Variants in ASH2L observed in about 807,000 individuals in gnomAD.
ASH2L encodes the protein ASH2 like, histone lysine methyltransferase complex subunit, also known as set1/Ash2 histone methyltransferase complex subunit ASH2.
Under a neutral mutation model 81.1 loss-of-function variants are expected in ASH2L, and 30 were observed. The ratio of observed to expected loss-of-function variants is 0.37; its 90% CI spans 0.28 to 0.50. ASH2L has a LOEUF of 0.50. Ranked by LOEUF, ASH2L falls within the 20% of genes least tolerant of loss-of-function variation. The probability of loss-of-function intolerance (pLI) is 0.95; values close to 1 mark genes in which losing one functional copy is unlikely to be tolerated. For missense variants in ASH2L, 559 were observed against 792.1 expected (o/e 0.71, Z 3.53); for synonymous variants, 273 against 279.9 (o/e 0.98, Z 0.24).
In ASH2L at chr8:38,120,972, T is replaced by C; in HGVS notation, c.988T>C (p.Tyr330His). 1.2e-6 allele frequency: 2 copies of C among 1,613,760 alleles called. No homozygotes were observed. The highest frequency in any genetic ancestry group is 1.7e-6 in the Non-Finnish European group (2 of 1,179,920). Residue 330 changes from tyrosine to histidine, a missense_variant, in exon 10 of 16, where the codon TAC (tyrosine) becomes CAC (histidine). By Grantham distance (83) the Tyr-to-His change is moderately conservative. Around this residue, in one of 4 missense-constraint regions of ASH2L, gnomAD observed 318 missense variants for 527.0 expected, o/e 0.60. Coordinates refer to ENST00000343823, the MANE Select transcript of ASH2L (RefSeq NM_004674.5). ...TGCTCAGCGCCTTCCCCCTCATGGC[T>C]ACCCATTGGAACACCCGTTTAACAA... ...FSAQRLPPHG[Y>H]PLEHPFNKDG...
intron 12 of ASH2L, among the ~76,000 whole-genome samples, chr8:38,130,685 G>A (rs1802025642): frequency 1.3e-5 from 2 of 151,790 alleles, no homozygotes; most frequent in South Asian, 2.1e-4. Context: ...TGCAACCTCC[G>A]TCTCATGGGT....
At chr8:38,137,986 A>G (rs1802333428) in intron 14 of ASH2L, 1 of 152,192 alleles carries the variant, frequency 6.6e-6, no homozygotes, top group Non-Finnish European at 1.5e-5. Flanking sequence ...AAAGTTTTAA[A>G]AAGAAAAAGG....
chr8:38,128,406 G>A lies in ASH2L; in HGVS notation c.1281G>A (p.Val427=). 1.2e-6 allele frequency: 2 copies of A among 1,614,168 alleles called. No homozygotes were observed. Among genetic ancestry groups the A allele is most frequent in the Non-Finnish European group, 1.7e-6 (2 of 1,180,042 alleles). The stretch of plus-strand genomic sequence containing the variant: ...GTGCCTGGTATTTTGAAATCACTGT[G>A]GATGAGATGCCACCAGATACCGCTG... The part of the protein sequence containing the change: ...RKGAWYFEIT[V]DEMPPDTAAR... The change falls in exon 11 of 16, where the codon GTG becomes GTA. Residue 427 remains valine (V), a synonymous_variant. Transcript: ENST00000343823.
chr8:38,119,452 C>T (rs1310200793), intron 9 of ASH2L, 89 bp downstream of exon 9: 18 of 1,128,202 alleles, frequency 1.6e-5, no homozygotes, highest in Middle Eastern at 2.9e-4. Flanking sequence ...GTTCAAGGGT[C>T]GGAGGTTAAA....
Position 38,106,269 on chromosome 8 carries a change from A to G in ASH2L, c.189-109A>G. The G allele has an allele frequency of 5.8e-6, 8 of 1,382,474 alleles. No individual in the cohort carries two copies. The South Asian group carries it at 8.2e-5, about 14-fold the overall frequency. 85.6% of individuals were successfully genotyped at this position (1,382,474 alleles called of 1,614,324 possible). A position where few individuals can be genotyped will look rare whatever the true frequency, so the allele number is the denominator to read the frequency against. ...AGTCTGAGATCAGGCTTAGCTGAAA[A>G]AGCTGCAGGAGTATGAAGTTCGGCT... On this transcript the variant is annotated intron_variant, in intron 1 of 15. Transcript: ENST00000343823.
intron 3 of ASH2L, among the ~76,000 whole-genome samples, chr8:38,107,473 C>T (rs1474455287): frequency 6.6e-6 from 1 of 152,006 alleles, no homozygotes. Flanking sequence ...CAATATAAAC[C>T]TTGTGTTGGT....
chr8:38,105,915 C>G, intron 1 of ASH2L, 177 bp downstream of exon 1: 1 of 1,481,522 alleles, frequency 6.7e-7, no homozygotes, highest in Non-Finnish European at 8.9e-7. Context: ...GATAACGCCC[C>G]TTCCGCACCT....
rs1563248834 is a variant in ASH2L, at chr8:38,107,011, T to C, written c.256-10T>C. Reference sequence around the variant, plus strand: ...TCAACTGATTTGAGTCTCGAACTGCTCTGACACAGGAAGGTGCTGGGGATA... The same window carrying C: ...TCAACTGATTTGAGTCTCGAACTGCCCTGACACAGGAAGGTGCTGGGGATA... On this transcript the variant is annotated splice_polypyrimidine_tract_variant and intron_variant, in intron 2 of 15. Transcript: ENST00000343823. 2.5e-6 allele frequency: 4 copies of C among 1,613,874 alleles called. No homozygotes were observed. The highest frequency in any genetic ancestry group is 3.4e-6 in the Non-Finnish European group (4 of 1,179,870).
At chr8:38,138,687 T>C in intron 14 of ASH2L, 129 bp from the exon 15 acceptor site, 1 of 697,194 alleles carries the variant, frequency 1.4e-6, no homozygotes, top group South Asian at 1.8e-5. Context: ...TTAATATATA[T>C]CTTATTTGTT....
intron 10 of ASH2L, chr8:38,124,613 T>TA (rs1163223773): frequency 5.9e-5 from 9 of 152,378 alleles, no homozygotes; most frequent in Admixed American, 2.6e-4. Flanking sequence ...CCTTTCCTGT[T>TA]AAAATCAGCC....
chr8:38,121,338 TATATATATATATATATA>T (rs1811138663), intron 10 of ASH2L, among the ~76,000 whole-genome samples, 189 bp downstream of exon 10: 52 of 112,920 alleles, frequency 4.6e-4, no homozygotes, highest in Admixed American at 1.2e-3. Context: ...TTTATTTATA[TATATATATATATATATA>T]TATATATATA....
At chr8:38,112,262 C>A (rs964422427) in intron 5 of ASH2L, among the ~76,000 whole-genome samples, 1 of 152,106 alleles carries the variant, frequency 6.6e-6, no homozygotes, top group Non-Finnish European at 1.5e-5. Context: ...GCCTTCCAAA[C>A]GTCTGGGAAT....
chr8:38,122,236 T>TC (rs767869924), intron 10 of ASH2L: 5 of 152,162 alleles, frequency 3.3e-5, no homozygotes, highest in Admixed American at 6.5e-5. Flanking sequence ...GTGTCTTTTT[T>TC]TAAAAAAAAA....
chr8:38,121,077 G>A lies in ASH2L; in HGVS notation c.1093G>A (p.Gly365Arg). 6.2e-7 allele frequency: 1 copy of A among 1,613,626 alleles called. No homozygotes were observed. ...GAAGCTGGAACTTGACTGCTGGGCA[G>A]GAAAACCTATTCCTGGAGACCTCTA... The part of the protein sequence containing the change: ...PEKLELDCWA[G>R]KPIPGDLYRA... The change falls in exon 10 of 16, where the codon GGA becomes AGA. Residue 365 changes from glycine to arginine, a missense_variant. Coordinates refer to ENST00000343823, the MANE Select transcript of ASH2L (RefSeq NM_004674.5).
At chr8:38,108,195 A>G (rs1810535071) in intron 3 of ASH2L, among the ~76,000 whole-genome samples, 1 of 152,198 alleles carries the variant, frequency 6.6e-6, no homozygotes, top group Non-Finnish European at 1.5e-5. Context: ...GTGATTTAGG[A>G]AAGAGTGTTT....
At chr8:38,115,410 A>G (rs1186142440) in intron 7 of ASH2L, among the ~76,000 whole-genome samples, 1 of 152,220 alleles carries the variant, frequency 6.6e-6, no homozygotes, top group Non-Finnish European at 1.5e-5. Context: ...GCAAACGAAA[A>G]TTGCTGTTTT....
chr8:38,116,833 A>G, intron 8 of ASH2L, 108 bp downstream of exon 8: 1 of 916,250 alleles, frequency 1.1e-6, no homozygotes, highest in Non-Finnish European at 1.6e-6. Context: ...TACTTACTAA[A>G]ATGCTTTTAT....
At chr8:38,136,513 G>T (rs1021548217) in intron 14 of ASH2L, among the ~76,000 whole-genome samples, 1 of 152,014 alleles carries the variant, frequency 6.6e-6, no homozygotes, top group Non-Finnish European at 1.5e-5. Flanking sequence ...ACTGGCTCAC[G>T]CTTGTAATCC....
chr8:38,122,197 A>T (rs1801656065), intron 10 of ASH2L, among the ~76,000 whole-genome samples: 1 of 152,140 alleles, frequency 6.6e-6, no homozygotes, highest in Admixed American at 6.6e-5. Context: ...TTCTTCAAGA[A>T]GTTGGTTCTT....
Sources: gnomAD v4.1 joint callset for allele counts (sites outside exome capture counted in the v4.1 genomes callset) on GRCh38, gnomAD v4.1.1 for gene constraint, gnomAD v4.1.1 regional missense constraint, MANE v1.5 for transcripts, NCBI Gene and HGNC (gene_info 2026-07-23, HGNC 2026-07-21) for gene names.